FCMR: variants seen among roughly 807,000 people sequenced by gnomAD.
FCMR encodes Fc mu receptor, also known as immunoglobulin mu Fc receptor.
In FCMR, 34 loss-of-function variants were observed where a neutral mutation model predicts 41.6. That is an observed-to-expected ratio of 0.82 (90% CI 0.62 to 1.09). The LOEUF is 1.09. Among genes scored for constraint, FCMR ranks in the 50% least tolerant of loss-of-function variants. The pLI, the probability that FCMR is intolerant of heterozygous loss-of-function variation, is 0.00. For missense variants in FCMR, 496 were observed against 512.5 expected, an observed-to-expected ratio of 0.97 and a Z score of 0.31; for synonymous variants, 209 against 211.8, an observed-to-expected ratio of 0.99 and a Z score of 0.12.
In FCMR at chr1:206,909,909, CAG is replaced by C; in HGVS notation, c.842-43_842-42del. 7.3e-7 allele frequency: 1 copy of C among 1,370,756 alleles called. No homozygotes were observed. Among genetic ancestry groups the C allele is most frequent in the Non-Finnish European group, 9.4e-7 (1 of 1,063,814 alleles). 84.9% of individuals were successfully genotyped at this position (1,370,756 alleles called of 1,614,324 possible). On this transcript the variant is annotated intron_variant, in intron 5 of 7. Transcript: ENST00000367091. The surrounding 1 kb of genome is among the most constrained non-coding windows in gnomAD (Gnocchi z 5.0). Reference sequence around the variant, plus strand: ...ACGGGAAGAGGGAGGAAAATGGCATCAGAGGCCCGTGCCACCCTCCCCAAACG... The same window carrying C: ...ACGGGAAGAGGGAGGAAAATGGCATCAGGCCCGTGCCACCCTCCCCAAACG...
At position 206,918,121 on chromosome 1, in the gene FCMR, C is replaced by G. The variant is rs372449594; in HGVS notation, c.37+3697G>C. 3.9e-5 allele frequency among the ~76,000 whole-genome samples: 6 copies of G among 152,326 alleles called. No individual in the cohort carries two copies. In the South Asian group the frequency reaches 1.2e-3, roughly 32 times the overall value. ...CTGCTCTTGTCAAGTCACTGAAATT[C>G]TCCTGTTGCCACATGTAATGGTCAC... On this transcript the variant is annotated intron_variant, in intron 1 of 7. Transcript: ENST00000367091.
rs969680862 is a variant in FCMR, at chr1:206,908,107, G to A, written c.1044+1355C>T. 1.1e-5 allele frequency: 13 copies of A among 1,184,652 alleles called. No homozygotes were observed. In the African/African-American group the frequency reaches 1.3e-4, roughly 12 times the overall value. The allele number at this position is 1,184,652 out of a possible 1,614,324, so 73.4% of individuals were successfully genotyped here. A position where few individuals can be genotyped will look rare whatever the true frequency, so the allele number is the denominator to read the frequency against. On this transcript the variant is annotated intron_variant, in intron 7 of 7. Transcript: ENST00000367091. ...CCTGGAGGAGAAGTGGAAGGAGAAG[G>A]CCAAGTTCCACTACAGGAAGAAGAA...
At chr1:206,910,043 C>T (rs946507040) in intron 5 of FCMR, 167 bp downstream of exon 5, 1 of 1,110,974 alleles carries the variant, frequency 9.0e-7, no homozygotes. Flanking sequence ...CCAAAGGGCC[C>T]AGGCCGCTCT....
chr1:206,907,854 T>G, intron 7 of FCMR: 1 of 1,383,248 alleles, frequency 7.2e-7, no homozygotes, highest in African/African-American at 1.4e-5. Flanking sequence ...CCCAGCCGCA[T>G]CTTGTGGCAC....
intron 1 of FCMR, among the ~76,000 whole-genome samples, chr1:206,918,543 C>A (rs1004063910): frequency 1.3e-5 from 2 of 152,106 alleles, no homozygotes; most frequent in Non-Finnish European, 2.9e-5. Flanking sequence ...GAGCTGATTT[C>A]TCTTCCAAAA....
chr1:206,909,348 C>A lies in FCMR; in HGVS notation c.1044+114G>T. ...CAGGGCCCAGGAGCTGCTGGGAAAC[C>A]CGCTCTCCGGATCGCGGCGGCGGCG... is the stretch of plus-strand genomic sequence containing the variant. On this transcript the variant is annotated intron_variant, in intron 7 of 7. Coordinates refer to ENST00000367091, the MANE Select transcript of FCMR (RefSeq NM_005449.5). The surrounding 1 kb of genome is among the most constrained non-coding windows in gnomAD (Gnocchi z 5.0). 1 of 526,602 alleles carries A rather than the reference C, an allele frequency of 1.9e-6. No homozygotes were observed. The highest frequency in any genetic ancestry group is 2.9e-6 in the Non-Finnish European group (1 of 342,848). 32.6% of individuals were successfully genotyped at this position (526,602 alleles called of 1,614,324 possible). A position where few individuals can be genotyped will look rare whatever the true frequency, so the allele number is the denominator to read the frequency against.
rs765483125 is a variant in FCMR, at chr1:206,913,804, T to C, written c.328A>G (p.Thr110Ala). Residue 110 changes from threonine to alanine, a missense_variant, in exon 2 of 8, where the codon ACA (threonine) becomes GCA (alanine). Transcript: ENST00000367091. Reference protein sequence around the residue: ...GVYACGAGMNTDRGKTQKVTL... With the variant: ...GVYACGAGMNADRGKTQKVTL... ...ACTTTCTGGGTCTTTCCCCGGTCTGTGTTCATGCCCGCTCCGCAGGCATAG... is the reference window on the plus strand; with the variant it reads ...ACTTTCTGGGTCTTTCCCCGGTCTGCGTTCATGCCCGCTCCGCAGGCATAG... The C allele has an allele frequency of 6.2e-7, 1 of 1,614,256 alleles. No homozygotes were observed. The highest frequency in any genetic ancestry group is 8.5e-7 in the Non-Finnish European group (1 of 1,180,042).
chr1:206,905,164 A>T lies in FCMR; in HGVS notation c.1045-17T>A. ...TTCAGACACCTGGGGACAATGAAAG[A>T]AGCATCACTGGATCTGGGTAGGGTG... is the stretch of plus-strand genomic sequence containing the variant. On this transcript the variant is annotated splice_polypyrimidine_tract_variant and intron_variant, in intron 7 of 7. Coordinates refer to ENST00000367091, the MANE Select transcript of FCMR (RefSeq NM_005449.5). 1 of 1,613,880 alleles carries T rather than the reference A, an allele frequency of 6.2e-7. No individual in the cohort carries two copies.
rs374863448 is a variant in FCMR, at chr1:206,914,241, A to G, written c.38-147T>C. On this transcript the variant is annotated intron_variant, in intron 1 of 7. Coordinates refer to ENST00000367091, the MANE Select transcript of FCMR (RefSeq NM_005449.5). ...CATCCCCAGATCCAGCCCTGTCCCA[A>G]TTATTAGCCTGGCCTCAGCCTGTCC... 6.0e-5 allele frequency: 38 copies of G among 629,700 alleles called. 1 individual carries two copies. The highest frequency in any genetic ancestry group is 5.5e-4 in the East Asian group (20 of 36,650). 39.0% of individuals were successfully genotyped at this position (629,700 alleles called of 1,614,324 possible). A position where few individuals can be genotyped will look rare whatever the true frequency, so the allele number is the denominator to read the frequency against.
chr1:206,915,423 G>A (rs978274288), intron 1 of FCMR, among the ~76,000 whole-genome samples: 1 of 152,170 alleles, frequency 6.6e-6, no homozygotes, highest in African/African-American at 2.4e-5. Flanking sequence ...GGACATAGGA[G>A]GGGAAGTGAG....
chr1:206,911,751 T>C lies in FCMR; in HGVS notation c.689A>G (p.His230Arg), dbSNP rs777121550. 3.1e-6 allele frequency: 5 copies of C among 1,610,910 alleles called. No homozygotes were observed. ...TTACCTCTGCCTGTGCAGCCTGGTG[T>C]GGTGGTTGTAGCTGGGCGTCTGGGG... ...LKPQTPSYNH[H>R]TRLHRQRALD... is the part of the protein sequence containing the mutation. The change falls in exon 4 of 8, where the codon CAC (histidine) becomes CGC (arginine). Residue 230 changes from histidine to arginine, a missense_variant. Physicochemically the swap from His to Arg is conservative, Grantham distance 29. Transcript: ENST00000367091.
chr1:206,908,325 CG>C, intron 7 of FCMR: 1 of 651,582 alleles, frequency 1.5e-6, no homozygotes, highest in South Asian at 1.8e-5. Flanking sequence ...AGCAGCAGTC[CG>C]GGTGCCACAG....
intron 4 of FCMR, 131 bp from the exon 5 acceptor site, chr1:206,910,471 C>G (rs1295236289): frequency 3.3e-6 from 2 of 611,386 alleles, no homozygotes; most frequent in Non-Finnish European, 5.0e-6. Flanking sequence ...AGAATTCACT[C>G]CACTCCCCCC....
In FCMR at chr1:206,912,916, A is replaced by G; in HGVS notation, c.487+13T>C. 1.3e-6 allele frequency: 2 copies of G among 1,552,478 alleles called. No individual in the cohort carries two copies. Among genetic ancestry groups the G allele is most frequent in the Non-Finnish European group, 1.8e-6 (2 of 1,123,972 alleles). Reference sequence around the variant, plus strand: ...CTCACCCACCTCTCCTACCCTTGCTATGGTGAACTGACCTCTGGTTACGAA... The same window carrying G: ...CTCACCCACCTCTCCTACCCTTGCTGTGGTGAACTGACCTCTGGTTACGAA... On this transcript the variant is annotated intron_variant, in intron 3 of 7. Coordinates refer to ENST00000367091, the MANE Select transcript of FCMR (RefSeq NM_005449.5).
chr1:206,907,102 G>T, intron 7 of FCMR, among the ~76,000 whole-genome samples: 2 of 44,388 alleles, frequency 4.5e-5, no homozygotes, highest in Middle Eastern at 0.018. Flanking sequence ...GGGTGGGGGG[G>T]TGGGGGGGGG....
Position 206,909,478 on chromosome 1 carries a change from G to A in FCMR, c.1028C>T (p.Pro343Leu). 1 of 1,283,908 alleles carries A rather than the reference G, an allele frequency of 7.8e-7. No homozygotes were observed. Among genetic ancestry groups the A allele is most frequent in the Non-Finnish European group, 9.8e-7 (1 of 1,016,740 alleles). 79.5% of individuals were successfully genotyped at this position (1,283,908 alleles called of 1,614,324 possible). A position where few individuals can be genotyped will look rare whatever the true frequency, so the allele number is the denominator to read the frequency against. Residue 343 changes from proline (P) to leucine (L), a missense_variant, in exon 7 of 8, where the codon CCC becomes CTC. Transcript: ENST00000367091. The surrounding 1 kb of genome is among the most constrained non-coding windows in gnomAD (Gnocchi z 5.0). ...APVPGPGAPL[P>L]PAPLQVSESP... is the part of the protein sequence containing the mutation. Reference sequence around the variant, plus strand: ...GGAGCTTACCTGCAGCGGGGCGGGGGGCAACGGCGCTCCGGGGCCGGGAAC... The same window carrying A: ...GGAGCTTACCTGCAGCGGGGCGGGGAGCAACGGCGCTCCGGGGCCGGGAAC...
At chr1:206,913,697 C>G in intron 2 of FCMR, 62 bp downstream of exon 2, 1 of 1,363,182 alleles carries the variant, frequency 7.3e-7, no homozygotes, top group Admixed American at 1.7e-5. Flanking sequence ...ATGGCTGTTC[C>G]AATCTTCCCA....
intron 1 of FCMR, among the ~76,000 whole-genome samples, chr1:206,918,149 C>T (rs776137117): frequency 1.3e-5 from 2 of 152,196 alleles, no homozygotes; most frequent in Non-Finnish European, 2.9e-5. Context: ...ATGGTCACCT[C>T]TTTGTCTTCA....
rs1234603018 is a variant in FCMR at position 206,921,376 on chromosome 1, G to C, written c.37+442C>G. The C allele has an allele frequency of 1.1e-5, 5 of 447,032 alleles. No individual in the cohort carries two copies. The East Asian group carries it at 3.5e-4, about 31-fold the overall frequency. The allele number at this position is 447,032 out of a possible 1,614,324, so 27.7% of individuals were successfully genotyped here. On this transcript the variant is annotated intron_variant, in intron 1 of 7. Coordinates refer to ENST00000367091, the MANE Select transcript of FCMR (RefSeq NM_005449.5). The stretch of plus-strand genomic sequence containing the variant: ...AGCGCTTTGTGAAGCTGAGCCAGGA[G>C]GATCACTTAAGGCCACAAGTTCAAG...
Sources: gnomAD v4.1 joint callset for allele counts (sites outside exome capture counted in the v4.1 genomes callset) on GRCh38, gnomAD v4.1.1 for gene constraint, Gnocchi (gnomAD v3.1) non-coding constraint, MANE v1.5 for transcripts, NCBI Gene and HGNC (gene_info 2026-07-23, HGNC 2026-07-21) for gene names.